HMCN2: variants seen among roughly 807,000 people sequenced by gnomAD.
HMCN2 encodes the protein hemicentin 2.
Under a neutral mutation model 377.5 loss-of-function variants are expected in HMCN2, and 325 were observed. That is an observed-to-expected ratio of 0.86 (90% CI 0.79 to 0.94). HMCN2 has a LOEUF of 0.94. Among genes scored for constraint, HMCN2 ranks in the 40% least tolerant of loss-of-function variants. HMCN2 has a pLI of 0.00. For synonymous variants in HMCN2, 2,007 were observed against 2,046.8 expected, an observed-to-expected ratio of 0.98 and a Z score of 0.53; for missense variants, 4,543 against 4,725.3, an observed-to-expected ratio of 0.96 and a Z score of 1.13.
chr9:130,330,929 A>T (rs1457929003), intron 22 of HMCN2, among the ~76,000 whole-genome samples: 2 of 151,094 alleles, frequency 1.3e-5, no homozygotes, highest in East Asian at 3.9e-4. Context: ...GGAGATCAAG[A>T]TCATCCTGGC....
intron 25 of HMCN2, among the ~76,000 whole-genome samples, chr9:130,343,370 T>A (rs1391836572): frequency 6.6e-6 from 1 of 152,176 alleles, no homozygotes; most frequent in African/African-American, 2.4e-5. Context: ...TGTTGCTCTG[T>A]GAGCCACAGG....
intron 19 of HMCN2, among the ~76,000 whole-genome samples, chr9:130,323,536 A>T (rs1246829000): frequency 6.6e-6 from 1 of 152,220 alleles, no homozygotes; most frequent in Non-Finnish European, 1.5e-5. Context: ...TGGGTACCAA[A>T]AGATTAAGTG....
chr9:130,319,967 T>C (rs1837761504), intron 16 of HMCN2, among the ~76,000 whole-genome samples: 1 of 152,162 alleles, frequency 6.6e-6, no homozygotes, highest in African/African-American at 2.4e-5. Flanking sequence ...CTGTACAAAG[T>C]GCTTAGCACA....
Position 130,422,749 on chromosome 9 carries a change from C to T in HMCN2, c.13381+23C>T, listed in dbSNP as rs1311751410. The T allele has an allele frequency of 3.9e-6, 5 of 1,268,016 alleles. No homozygotes were observed. The highest frequency in any genetic ancestry group is 4.2e-5 in the Admixed American group (1 of 23,834). The allele number at this position is 1,268,016 out of a possible 1,614,324, so 78.5% of individuals were successfully genotyped here. On this transcript the variant is annotated intron_variant, in intron 87 of 97. Coordinates refer to ENST00000683500, the MANE Select transcript of HMCN2 (RefSeq NM_001291815.2). The surrounding 1 kb of genome is among the most constrained non-coding windows in gnomAD (Gnocchi z 4.2). Reference sequence around the variant, plus strand: ...TGGGTGAGTGGAAGGCAGAGCATCACCTGCCTCTGGGTTATTGTCACAGCC... The same window carrying T: ...TGGGTGAGTGGAAGGCAGAGCATCATCTGCCTCTGGGTTATTGTCACAGCC...
In HMCN2 at chr9:130,271,700, A is replaced by T. The variant is rs535365481; in HGVS notation, c.259+5563A>T. Among the ~76,000 whole-genome samples the T allele has an allele frequency of 1.7e-4, 26 of 148,704 alleles. 4 individuals carry two copies. The highest frequency in any genetic ancestry group is 1.7e-4 in the Non-Finnish European group (11 of 66,208). On this transcript the variant is annotated intron_variant, in intron 1 of 97. Transcript: ENST00000683500. ...CAGTCCTTGAATTCGCTATTTCTCC[A>T]AGGAGCCCTGCTTCCTGTGATTGGA... is the stretch of plus-strand genomic sequence containing the variant.
chr9:130,295,401 G>T (rs1296410912), intron 5 of HMCN2, among the ~76,000 whole-genome samples: 1 of 152,074 alleles, frequency 6.6e-6, no homozygotes, highest in Non-Finnish European at 1.5e-5. Flanking sequence ...GGGGAAGTGT[G>T]ATTCAGACAT....
rs1367055691 is a variant in HMCN2, at chr9:130,303,810, G to A, written c.1543+202G>A. 1.3e-5 allele frequency among the ~76,000 whole-genome samples: 2 copies of A among 152,314 alleles called. No homozygotes were observed. The highest frequency in any genetic ancestry group is 3.4e-3 in the Middle Eastern group (1 of 294). ...GAACGGCCTGTGGGTCTCCGCTGGA[G>A]GAAGGCTGAGGACCTGGCTTGGGTC... On this transcript the variant is annotated intron_variant, in intron 10 of 97. Coordinates refer to ENST00000683500, the MANE Select transcript of HMCN2 (RefSeq NM_001291815.2). The surrounding 1 kb of genome is among the most constrained non-coding windows in gnomAD (Gnocchi z 5.2).
At position 130,286,277 on chromosome 9, in the gene HMCN2, G is replaced by C. The variant is rs567756525; in HGVS notation, c.579G>C (p.Gln193His). The C allele has an allele frequency of 5.3e-5, 25 of 471,108 alleles. No individual in the cohort carries two copies. The East Asian group carries it at 1.7e-3, about 33-fold the overall frequency. The allele number at this position is 471,108 out of a possible 1,614,324, so 29.2% of individuals were successfully genotyped here. Residue 193 changes from glutamine to histidine, a missense_variant, in exon 4 of 98, where the codon CAG (glutamine) becomes CAC (histidine). Gln to His is a conservative substitution (Grantham distance 24). Transcript: ENST00000683500. The part of the protein sequence containing the change: ...YEEIAATSSG[Q>H]VFHLDKQQVT... ...AGATCGCTGCCACCAGCTCTGGGCA[G>C]GTGTTCCACCTGGACAAGCAGCAAG...
chr9:130,408,639 G>A (rs1588414958), intron 83 of HMCN2, 104 bp from the exon 84 acceptor site: 3 of 702,500 alleles, frequency 4.3e-6, no homozygotes, highest in Non-Finnish European at 4.1e-6. Flanking sequence ...GAAGCCTCTG[G>A]AGGCCCCTGG....
intron 95 of HMCN2, 50 bp from the exon 96 acceptor site, chr9:130,431,307 TGGCTCAGTGC>T: frequency 1.3e-6 from 2 of 1,504,960 alleles, no homozygotes; most frequent in Non-Finnish European, 1.8e-6. Context: ...TTGGTGTCTG[TGGCTCAGTGC>T]GTCTCTCTGC....
chr9:130,334,722 T>TTTCTTTC (rs1554945747), intron 22 of HMCN2, among the ~76,000 whole-genome samples: 5 of 138,540 alleles, frequency 3.6e-5, no homozygotes, highest in Admixed American at 1.5e-4. Context: ...TCTCTCTCTC[T>TTTCTTTC]TCTCTCTTTC....
At position 130,361,680 on chromosome 9, in the gene HMCN2, C is replaced by T. The variant is rs953653841; in HGVS notation, c.5951-328C>T. Among the ~76,000 whole-genome samples, 3 of 152,174 alleles carry T rather than the reference C, an allele frequency of 2.0e-5. No homozygotes were observed. The highest frequency in any genetic ancestry group is 1.3e-4 in the Admixed American group (2 of 15,286). On this transcript the variant is annotated intron_variant, in intron 38 of 97. Coordinates refer to ENST00000683500, the MANE Select transcript of HMCN2 (RefSeq NM_001291815.2). This position sits in a 1 kb window ranked among gnomAD's most constrained non-coding sequence, Gnocchi z 4.8. ...TTAGGAAGTAGCACTGTCCAGGGAC[C>T]CTTGGTCCCCTCCCCATCCCCATAA... is the stretch of plus-strand genomic sequence containing the variant.
At chr9:130,355,919 G>T (rs535260200) in intron 33 of HMCN2, 65 bp downstream of exon 33, 405 of 1,050,808 alleles carry the variant, frequency 3.9e-4, no homozygotes, top group Non-Finnish European at 4.8e-4. Flanking sequence ...TGCGGATTGT[G>T]GGGGGAAGTG....
rs957209534 is a variant in HMCN2, at chr9:130,375,693, C to T, written c.7761C>T (p.Asp2587=). The part of the protein sequence containing the change: ...FPSPNITWMK[D]GAPFEASRNI... ...CCCCCAACATCACCTGGATGAAGGA[C>T]GGGGCCCCGTTTGAGGCCTCCAGGA... The change falls in exon 50 of 98, where the codon GAC becomes GAT. Residue 2587 remains aspartate, a synonymous_variant. Transcript: ENST00000683500. 2.8e-5 allele frequency: 28 copies of T among 985,910 alleles called. No individual in the cohort carries two copies. The East Asian group carries it at 3.4e-4, about 12-fold the overall frequency. 61.1% of individuals were successfully genotyped at this position (985,910 alleles called of 1,614,324 possible). A position where few individuals can be genotyped will look rare whatever the true frequency, so the allele number is the denominator to read the frequency against.
rs781579540 is a variant in HMCN2, at chr9:130,406,020, G to A, written c.12405G>A (p.Val4135=). The change falls in exon 82 of 98, where the codon GTG becomes GTA. Residue 4135 remains valine, a synonymous_variant. Transcript: ENST00000683500. ...ENAVGRARRR[V]HLTILVLPVF... is the part of the protein sequence containing the mutation. ...CCGTGGGCCGGGCCCGCCGCCGCGT[G>A]CACCTCACCATCCTGGTACTGCCTG... 350 of 1,289,718 alleles carry A rather than the reference G, an allele frequency of 2.7e-4. No individual in the cohort carries two copies. Among genetic ancestry groups the A allele is most frequent in the Non-Finnish European group, 3.5e-4 (342 of 988,872 alleles). The allele number at this position is 1,289,718 out of a possible 1,614,324, so 79.9% of individuals were successfully genotyped here.
At chr9:130,305,990 T>C (rs1836830291) in intron 11 of HMCN2, 139 bp from the exon 12 acceptor site, 4 of 377,254 alleles carry the variant, frequency 1.1e-5, no homozygotes, top group East Asian at 7.4e-5. Context: ...ACCCGGGAGA[T>C]TGAAGCCCTC....
chr9:130,323,670 T>G (rs1416155734), intron 19 of HMCN2, among the ~76,000 whole-genome samples: 1 of 152,074 alleles, frequency 6.6e-6, no homozygotes, highest in African/African-American at 2.4e-5. Context: ...ATTGTTCCAG[T>G]TTTATTCTCC....
intron 22 of HMCN2, among the ~76,000 whole-genome samples, chr9:130,327,999 C>T (rs1006912657): frequency 6.6e-6 from 1 of 152,202 alleles, no homozygotes; most frequent in Admixed American, 6.5e-5. Context: ...GCCGTACCCC[C>T]CAGGAGGGGA....
At chr9:130,280,157 T>G (rs1167353230) in intron 1 of HMCN2, among the ~76,000 whole-genome samples, 2 of 151,210 alleles carry the variant, frequency 1.3e-5, no homozygotes, top group Non-Finnish European at 3.0e-5. Flanking sequence ...TGTGTTTTTT[T>G]TTTTTTTTTG....
Sources: gnomAD v4.1 joint callset for allele counts (sites outside exome capture counted in the v4.1 genomes callset) on GRCh38, gnomAD v4.1.1 for gene constraint, Gnocchi (gnomAD v3.1) non-coding constraint, MANE v1.5 for transcripts, NCBI Gene and HGNC (gene_info 2026-07-23, HGNC 2026-07-21) for gene names.